Variants in PLEKHG7 observed in about 807,000 individuals in gnomAD.
PLEKHG7 encodes the protein pleckstrin homology and RhoGEF domain containing G7, also known as pleckstrin homology domain-containing family G member 7.
Under a neutral mutation model 85.2 loss-of-function variants are expected in PLEKHG7, and 77 were observed. That is an observed-to-expected ratio of 0.90 (90% CI 0.75 to 1.09). PLEKHG7 has a LOEUF of 1.09. PLEKHG7 is among the 50% of genes least tolerant of loss of function. PLEKHG7 has a pLI of 0.00. For synonymous variants in PLEKHG7, 301 were observed against 302.4 expected, an observed-to-expected ratio of 1.00 and a Z score of 0.05; for missense variants, 777 against 804.3, an observed-to-expected ratio of 0.97 and a Z score of 0.41.
intron 5 of PLEKHG7, among the ~76,000 whole-genome samples, chr12:92,735,040 C>G (rs1479652212): frequency 6.6e-6 from 1 of 152,152 alleles, no homozygotes; most frequent in Non-Finnish European, 1.5e-5. Flanking sequence ...GAATACCCAC[C>G]CAGCCATTTG....
chr12:92,768,136 A>G (rs1461697484), intron 15 of PLEKHG7, among the ~76,000 whole-genome samples: 1 of 151,858 alleles, frequency 6.6e-6, no homozygotes, highest in East Asian at 1.9e-4. Flanking sequence ...TGAACCTGGG[A>G]GGCAGAGGTA....
At chr12:92,766,946 A>G (rs371406845) in intron 15 of PLEKHG7, among the ~76,000 whole-genome samples, 2 of 152,200 alleles carry the variant, frequency 1.3e-5, no homozygotes, top group African/African-American at 4.8e-5. Flanking sequence ...TAACTTGACT[A>G]ATTAGATACA....
Position 92,770,193 on chromosome 12 carries a change from T to C in PLEKHG7, c.2074T>C (p.Ter692GlnextTer10). The change falls in exon 17 of 17, where the codon TAG becomes CAG. Residue 692 changes from the stop codon to glutamine, a stop_lost. Transcript: ENST00000344636. ...FTLPAESSEI[*>Q] ...ATTGCCCGCAGAATCCTCTGAAATT[T>C]AGGGACCTAAAACAAGTGGCATGTC... is the stretch of plus-strand genomic sequence containing the variant. The C allele has an allele frequency of 6.3e-7, 1 of 1,581,134 alleles. No homozygotes were observed. Among genetic ancestry groups the C allele is most frequent in the Non-Finnish European group, 8.6e-7 (1 of 1,157,336 alleles).
chr12:92,757,231 A>G (rs909127303), intron 13 of PLEKHG7, among the ~76,000 whole-genome samples: 1 of 152,344 alleles, frequency 6.6e-6, no homozygotes. Flanking sequence ...AAATGAACCA[A>G]CGGATGTGTA....
At chr12:92,728,019 A>T (rs1026373205) in intron 3 of PLEKHG7, among the ~76,000 whole-genome samples, 4 of 132,472 alleles carry the variant, frequency 3.0e-5, no homozygotes, top group Non-Finnish European at 1.6e-5. Context: ...ATATATAAAT[A>T]TATATACACA....
intron 11 of PLEKHG7, 45 bp from the exon 12 acceptor site, chr12:92,755,780 T>C (rs769686806): frequency 7.2e-6 from 9 of 1,249,074 alleles, no homozygotes; most frequent in African/African-American, 1.5e-5. Flanking sequence ...TATACTGCAA[T>C]GTCATATGCA....
intron 10 of PLEKHG7, among the ~76,000 whole-genome samples, chr12:92,748,750 G>A (rs1872607270): frequency 6.6e-6 from 1 of 152,176 alleles, no homozygotes; most frequent in Admixed American, 6.5e-5. Context: ...AAAAAATCCA[G>A]TGCTCTTCAT....
In PLEKHG7 at chr12:92,736,494, C is replaced by G; in HGVS notation, c.712C>G (p.His238Asp). The G allele has an allele frequency of 1.6e-6, 2 of 1,231,826 alleles. No homozygotes were observed. The highest frequency in any genetic ancestry group is 2.0e-6 in the Non-Finnish European group (2 of 987,690). 76.3% of individuals were successfully genotyped at this position (1,231,826 alleles called of 1,614,324 possible). Residue 238 changes from histidine to aspartate, a missense_variant, in exon 6 of 17, where the codon CAC becomes GAC. This residue lies in a region of PLEKHG7 where 520 missense variants were observed against 544.0 expected (regional missense o/e 0.96). Transcript: ENST00000344636. Reference sequence around the variant, plus strand: ...CATCTTCGAGCAGGGCAAAGACAAACACAAGCACATATCTGATCTGGAAAA... The same window carrying G: ...CATCTTCGAGCAGGGCAAAGACAAAGACAAGCACATATCTGATCTGGAAAA... ...FSKRGVGKDK[H>D]KHISDLENCL...
At chr12:92,709,519 C>G (rs908966464) in intron 3 of PLEKHG7, among the ~76,000 whole-genome samples, 1 of 152,050 alleles carries the variant, frequency 6.6e-6, no homozygotes, top group African/African-American at 2.4e-5. Flanking sequence ...AGAGAAGGCA[C>G]CAGGGGTGGA....
In PLEKHG7 at chr12:92,736,547, C is replaced by A. The variant is rs780842092; in HGVS notation, c.765C>A (p.Ser255Arg). 4.1e-6 allele frequency: 5 copies of A among 1,230,778 alleles called. No individual in the cohort carries two copies. The highest frequency in any genetic ancestry group is 5.1e-6 in the Non-Finnish European group (5 of 986,840). The allele number at this position is 1,230,778 out of a possible 1,614,324, so 76.2% of individuals were successfully genotyped here. Residue 255 changes from serine to arginine, a missense_variant, in exon 6 of 17, where the codon AGC becomes AGA. Coordinates refer to ENST00000344636, the MANE Select transcript of PLEKHG7 (RefSeq NM_001377329.1). ...ENCLSSVKITSFRGYDFYGLK... is the reference protein window; with the variant it reads ...ENCLSSVKITRFRGYDFYGLK... The stretch of plus-strand genomic sequence containing the variant: ...GCCTGTCCTCTGTGAAAATTACCAG[C>A]TTCAGGGGCTATGACTTCTACGGTC...
chr12:92,745,566 G>C lies in PLEKHG7; in HGVS notation c.1226G>C (p.Arg409Thr). The change falls in exon 10 of 17, where the codon AGA (arginine) becomes ACA (threonine). Residue 409 changes from arginine (R) to threonine (T), a missense_variant. Coordinates refer to ENST00000344636, the MANE Select transcript of PLEKHG7 (RefSeq NM_001377329.1). Reference protein sequence around the residue: ...AIFYLESLRQRDDFGIYLKWC... With the variant: ...AIFYLESLRQTDDFGIYLKWC... ...TTTTATCTTGAGAGCCTGAGGCAGA[G>C]AGATGACTTTGGAATTTATTTAAAA... 1 of 1,613,524 alleles carries C rather than the reference G, an allele frequency of 6.2e-7. No homozygotes were observed.
At chr12:92,743,907 C>T (rs1047926394) in intron 9 of PLEKHG7, among the ~76,000 whole-genome samples, 1 of 152,096 alleles carries the variant, frequency 6.6e-6, no homozygotes, top group Non-Finnish European at 1.5e-5. Flanking sequence ...CCTCCTAGTT[C>T]CAACATTTCT....
At position 92,741,506 on chromosome 12, in the gene PLEKHG7, G is replaced by A. The variant is rs772646212; in HGVS notation, c.1051G>A (p.Val351Met). 5 of 1,609,470 alleles carry A rather than the reference G, an allele frequency of 3.1e-6. No homozygotes were observed. Among genetic ancestry groups the A allele is most frequent in the Non-Finnish European group, 4.2e-6 (5 of 1,178,250 alleles). The change falls in exon 9 of 17, where the codon GTG becomes ATG. Residue 351 changes from valine (V) to methionine (M), a missense_variant. Around this residue, in one of 3 missense-constraint regions of PLEKHG7, gnomAD observed 520 missense variants for 544.0 expected, o/e 0.96. Coordinates refer to ENST00000344636, the MANE Select transcript of PLEKHG7 (RefSeq NM_001377329.1). Reference sequence around the variant, plus strand: ...CTGTCCCTAGACAAGCCTTGGTTTTGTGAACAGTCTCTTTGGCATCATCAA... The same window carrying A: ...CTGTCCCTAGACAAGCCTTGGTTTTATGAACAGTCTCTTTGGCATCATCAA... The part of the protein sequence containing the change: ...EELTQTSLGF[V>M]NSLFGIIKDY...
intron 13 of PLEKHG7, among the ~76,000 whole-genome samples, chr12:92,760,022 C>G (rs995124496): frequency 2.6e-5 from 4 of 152,090 alleles, no homozygotes; most frequent in African/African-American, 9.7e-5. Context: ...TCTGTGTGGC[C>G]CAAGATGACT....
chr12:92,749,792 G>C (rs1211887978), intron 10 of PLEKHG7: 1 of 151,692 alleles, frequency 6.6e-6, no homozygotes, highest in Non-Finnish European at 1.5e-5. Flanking sequence ...ATTTCCTGAG[G>C]TTCCAAGAAT....
chr12:92,754,352 T>C, intron 11 of PLEKHG7, 88 bp downstream of exon 11: 1 of 1,286,704 alleles, frequency 7.8e-7, no homozygotes. Flanking sequence ...TAGGAGGTAA[T>C]TCCACTGATT....
At chr12:92,745,344 G>A (rs560432959) in intron 9 of PLEKHG7, 134 bp from the exon 10 acceptor site, 22 of 608,084 alleles carry the variant, frequency 3.6e-5, no homozygotes, top group African/African-American at 2.3e-4. Context: ...CAGTTGTGGC[G>A]CCTGCTTGAT....
At position 92,707,675 on chromosome 12, in the gene PLEKHG7, G is replaced by A. The variant is rs1871276801; in HGVS notation, c.530+3G>A. 6.2e-7 allele frequency: 1 copy of A among 1,613,968 alleles called. No homozygotes were observed. The highest frequency in any genetic ancestry group is 8.5e-7 in the Non-Finnish European group (1 of 1,179,930). On this transcript the variant is annotated splice_donor_region_variant and intron_variant, in intron 3 of 16. Coordinates refer to ENST00000344636, the MANE Select transcript of PLEKHG7 (RefSeq NM_001377329.1). ...GGAGAAGAATTGCACCCATCCAGGT[G>A]TGTATGCATTTATTTTCTCCGGTGC... is the stretch of plus-strand genomic sequence containing the variant.
chr12:92,752,023 C>G (rs1872705422), intron 10 of PLEKHG7, among the ~76,000 whole-genome samples: 1 of 150,750 alleles, frequency 6.6e-6, no homozygotes, highest in African/African-American at 2.4e-5. Context: ...TTCCCCATCC[C>G]CCTTAAAAAA....
Sources: allele counts gnomAD v4.1 joint callset (sites outside exome capture counted in the v4.1 genomes callset), GRCh38; gene constraint gnomAD v4.1.1; regional missense constraint gnomAD v4.1.1; transcripts MANE v1.5; gene names NCBI Gene and HGNC (gene_info 2026-07-23, HGNC 2026-07-21).